The following AUTS2 variants were observed in gnomAD, a reference collection of about 807,000 sequenced individuals.
AUTS2 encodes the protein autism susceptibility gene 2 protein.
Under a neutral mutation model 112.4 loss-of-function variants are expected in AUTS2, and 17 were observed. That is an observed-to-expected ratio of 0.15 (90% CI 0.10 to 0.23). AUTS2 has a LOEUF of 0.23. Ranked by LOEUF, AUTS2 falls within the 10% of genes least tolerant of loss-of-function variation. The pLI, the probability that AUTS2 is intolerant of heterozygous loss-of-function variation, is 1.00. For synonymous variants in AUTS2, 751 were observed against 702.7 expected, an observed-to-expected ratio of 1.07 and a Z score of -1.09; for missense variants, 1,510 against 1,701.6, an observed-to-expected ratio of 0.89 and a Z score of 1.98.
intron 4 of AUTS2, among the ~76,000 whole-genome samples, chr7:70,193,705 G>C (rs1300507649): frequency 6.6e-6 from 1 of 152,188 alleles, no homozygotes; most frequent in Non-Finnish European, 1.5e-5. Flanking sequence ...GCACTGTTCA[G>C]ATTTAACTCA....
intron 2 of AUTS2, among the ~76,000 whole-genome samples, chr7:69,961,536 T>G (rs1797430482): frequency 6.6e-6 from 1 of 152,206 alleles, no homozygotes; most frequent in Non-Finnish European, 1.5e-5. Context: ...CCTTTGAATA[T>G]GTAACTGTTC....
rs565061875 is a variant in AUTS2 at position 69,683,612 on chromosome 7, C to T, written c.309+83650C>T. Among the ~76,000 whole-genome samples the T allele has an allele frequency of 2.4e-3, 361 of 151,658 alleles. 3 individuals are homozygous for T. The highest frequency in any genetic ancestry group is 3.9e-3 in the Non-Finnish European group (268 of 67,908). ...CCCCCAAAAACCCAAAACCAAAAAA[C>T]GAGACTGGGCGCAATGGCTCACACC... On this transcript the variant is annotated intron_variant, in intron 1 of 18. Coordinates refer to ENST00000342771, the MANE Select transcript of AUTS2 (RefSeq NM_015570.4).
At chr7:70,695,312 G>A (rs1809024619) in intron 5 of AUTS2, among the ~76,000 whole-genome samples, 1 of 152,228 alleles carries the variant, frequency 6.6e-6, no homozygotes, top group Non-Finnish European at 1.5e-5. Flanking sequence ...GCCCGGGAGG[G>A]CCTGGCGTTC....
intron 5 of AUTS2, among the ~76,000 whole-genome samples, chr7:70,462,649 G>A (rs1797011999): frequency 6.6e-6 from 1 of 152,028 alleles, no homozygotes; most frequent in Non-Finnish European, 1.5e-5. Flanking sequence ...AGTCACCACT[G>A]GATGTTGCCA....
intron 4 of AUTS2, among the ~76,000 whole-genome samples, chr7:70,397,398 G>A (rs1415332740): frequency 1.3e-5 from 2 of 151,864 alleles, no homozygotes; most frequent in East Asian, 3.9e-4. Flanking sequence ...ATGCACTAGT[G>A]TCTACTTGTG....
At chr7:69,662,633 GGTATATTGAAA>G (rs1795855371) in intron 1 of AUTS2, among the ~76,000 whole-genome samples, 1 of 152,038 alleles carries the variant, frequency 6.6e-6, no homozygotes, top group Non-Finnish European at 1.5e-5. Context: ...TAAATGCTTT[GGTATATTGAAA>G]GCACCACTCA....
At chr7:69,657,228 C>G (rs992458733) in intron 1 of AUTS2, among the ~76,000 whole-genome samples, 4 of 152,196 alleles carry the variant, frequency 2.6e-5, no homozygotes, top group African/African-American at 9.6e-5. Flanking sequence ...GCCTAAGCAT[C>G]TCCAAATGCA....
rs971074025 is a variant in AUTS2 at position 70,767,921 on chromosome 7, C to T, written c.1690-103C>T. The T allele has an allele frequency of 8.9e-6, 10 of 1,127,638 alleles. No homozygotes were observed. The African/African-American group carries it at 1.3e-4, about 14-fold the overall frequency. The allele number at this position is 1,127,638 out of a possible 1,614,324, so 69.9% of individuals were successfully genotyped here. ...CATATGTAATGAGGTTATGGGGTCTCATGACAGCTTAATGACAGGGAAGCT... is the reference window on the plus strand; with the variant it reads ...CATATGTAATGAGGTTATGGGGTCTTATGACAGCTTAATGACAGGGAAGCT... On this transcript the variant is annotated intron_variant, in intron 9 of 18. Transcript: ENST00000342771.
chr7:69,926,441 GTCTGTCTATCTA>G (rs1326771224), intron 2 of AUTS2, among the ~76,000 whole-genome samples: 2,534 of 140,174 alleles, frequency 0.018, 44 homozygotes, highest in African/African-American at 0.041. Context: ...CTGTCTGTCT[GTCTGTCTATCTA>G]TCTATCTATC....
intron 1 of AUTS2, among the ~76,000 whole-genome samples, chr7:69,674,603 T>TGA (rs1320588758): frequency 3.1e-5 from 4 of 129,460 alleles, no homozygotes; most frequent in Non-Finnish European, 6.1e-5. Context: ...CTGTCATGCC[T>TGA]GAGAGTTCAT....
chr7:69,869,136 C>A (rs779123486), intron 1 of AUTS2, among the ~76,000 whole-genome samples: 1 of 152,038 alleles, frequency 6.6e-6, no homozygotes, highest in African/African-American at 2.4e-5. Context: ...CACAGAGTTA[C>A]GCAAGCGAAA....
At chr7:69,923,431 T>G (rs1795890327) in intron 2 of AUTS2, among the ~76,000 whole-genome samples, 1 of 152,210 alleles carries the variant, frequency 6.6e-6, no homozygotes, top group Non-Finnish European at 1.5e-5. Flanking sequence ...TACATAGTTT[T>G]GGCTTTTTAA....
intron 4 of AUTS2, among the ~76,000 whole-genome samples, chr7:70,138,828 G>A (rs1389256491): frequency 6.6e-6 from 1 of 152,194 alleles, no homozygotes; most frequent in East Asian, 1.9e-4. Flanking sequence ...GTAACAGGCA[G>A]TAGGTGCAAA....
chr7:70,182,836 A>C (rs767785334), intron 4 of AUTS2, among the ~76,000 whole-genome samples: 2 of 151,896 alleles, frequency 1.3e-5, no homozygotes, highest in Non-Finnish European at 2.9e-5. Flanking sequence ...ACTAAAGCAT[A>C]CTTAAACCAG....
chr7:70,362,674 T>G (rs1223065070), intron 4 of AUTS2, among the ~76,000 whole-genome samples: 1 of 151,622 alleles, frequency 6.6e-6, no homozygotes, highest in Non-Finnish European at 1.5e-5. Flanking sequence ...TCCCTTTCTC[T>G]CTCCTCTTTG....
chr7:70,056,221 G>T (rs779342954), intron 2 of AUTS2, among the ~76,000 whole-genome samples: 31 of 152,234 alleles, frequency 2.0e-4, no homozygotes, highest in African/African-American at 6.3e-4. Flanking sequence ...CGGACCTCAG[G>T]CAATCCATCC....
chr7:70,542,886 C>T (rs1394314249), intron 5 of AUTS2, among the ~76,000 whole-genome samples: 1 of 152,152 alleles, frequency 6.6e-6, no homozygotes, highest in Admixed American at 6.5e-5. Context: ...TCCCCCTTCT[C>T]CAGAATGTTG....
At chr7:69,747,864 A>G (rs1314036186) in intron 1 of AUTS2, among the ~76,000 whole-genome samples, 1 of 151,812 alleles carries the variant, frequency 6.6e-6, no homozygotes, top group East Asian at 1.9e-4. Context: ...CGTACGTTTT[A>G]AAATCTCTGT....
Position 70,311,478 on chromosome 7 carries a change from A to T in AUTS2, c.661-124274A>T, listed in dbSNP as rs556785332. Among the ~76,000 whole-genome samples the T allele has an allele frequency of 7.2e-4, 109 of 152,140 alleles. 1 individual carries two copies. The highest frequency in any genetic ancestry group is 5.1e-4 in the Non-Finnish European group (35 of 68,006). On this transcript the variant is annotated intron_variant, in intron 4 of 18. Coordinates refer to ENST00000342771, the MANE Select transcript of AUTS2 (RefSeq NM_015570.4). ...GTGTGGCTGACGCCAGTAGGGTATA[A>T]CTCCTCTGAGAATGGGTGCTGAATT...
Sources: gnomAD v4.1 joint callset for allele counts (sites outside exome capture counted in the v4.1 genomes callset) on GRCh38, gnomAD v4.1.1 for gene constraint, MANE v1.5 for transcripts, NCBI Gene and HGNC (gene_info 2026-07-23, HGNC 2026-07-21) for gene names.